Variants in HSPG2 observed in about 807,000 individuals in gnomAD.
HSPG2 encodes the protein basement membrane-specific heparan sulfate proteoglycan core protein.
Under a neutral mutation model 526.6 loss-of-function variants are expected in HSPG2, and 278 were observed. The ratio of observed to expected loss-of-function variants is 0.53; its 90% CI spans 0.48 to 0.58. The LOEUF is 0.58. Ranked by LOEUF, HSPG2 falls within the 20% of genes least tolerant of loss-of-function variation. HSPG2 has a pLI of 0.00. For missense variants in HSPG2, 5,354 were observed against 6,099.5 expected (o/e 0.88, Z 4.07); for synonymous variants, 2,465 against 2,555.4 (o/e 0.96, Z 1.07).
rs1639552135 is a variant in HSPG2, at chr1:21,858,912, T to G, written c.5293+654A>C. ...GTGCGTGTTTTACACCGGCTCCCTT[T>G]AAAAGCTTCCTCGGTTGTACTAAGC... On this transcript the variant is annotated intron_variant, in intron 42 of 96. Transcript: ENST00000374695. The surrounding 1 kb of genome is among the most constrained non-coding windows in gnomAD (Gnocchi z 4.2). Among the ~76,000 whole-genome samples, 1 of 151,742 alleles carries G rather than the reference T, an allele frequency of 6.6e-6. No homozygotes were observed. The highest frequency in any genetic ancestry group is 2.1e-4 in the South Asian group (1 of 4,794).
chr1:21,854,477 G>A, intron 49 of HSPG2, 134 bp from the exon 50 acceptor site: 11 of 1,449,098 alleles, frequency 7.6e-6, no homozygotes, highest in Non-Finnish European at 1.0e-5. Context: ...CTGGGAGGGA[G>A]GGAGATGAGG....
In HSPG2 at chr1:21,879,044, C is replaced by T. The variant is rs148592148; in HGVS notation, c.2421G>A (p.Thr807=). The change falls in exon 18 of 97, where the codon ACG becomes ACA. Residue 807 remains threonine (T), a synonymous_variant. Coordinates refer to ENST00000374695, the MANE Select transcript of HSPG2 (RefSeq NM_005529.7). The part of the protein sequence containing the change: ...AGFFGDAMKA[T]ATSCRPCPCP... ...AAGGGCAGGGCCGGCAGGAAGTGGCCGTGGCCTTCATGGCGTCCCCAAAGA... is the reference window on the plus strand; with the variant it reads ...AAGGGCAGGGCCGGCAGGAAGTGGCTGTGGCCTTCATGGCGTCCCCAAAGA... The T allele has an allele frequency of 9.3e-6, 15 of 1,614,080 alleles. No homozygotes were observed. The highest frequency in any genetic ancestry group is 8.3e-5 in the Admixed American group (5 of 60,012).
chr1:21,870,290 G>A, intron 33 of HSPG2: 1 of 986,030 alleles, frequency 1.0e-6, no homozygotes, highest in Non-Finnish European at 1.2e-6. Context: ...GCCCGCAACT[G>A]CTCCTCTGAG....
chr1:21,880,964 T>G (rs1641456269), intron 14 of HSPG2, 129 bp from the exon 15 acceptor site: 1 of 984,780 alleles, frequency 1.0e-6, no homozygotes, highest in African/African-American at 1.6e-5. Flanking sequence ...TGCCAGGCAC[T>G]GAGCTAGGCA....
Position 21,855,567 on chromosome 1 carries a change from C to G in HSPG2, c.5810G>C (p.Ser1937Thr), listed in dbSNP as rs568223257. Residue 1937 changes from serine to threonine, a missense_variant, in exon 46 of 97, where the codon AGC becomes ACC. Coordinates refer to ENST00000374695, the MANE Select transcript of HSPG2 (RefSeq NM_005529.7). The stretch of plus-strand genomic sequence containing the variant: ...CCTGGCCACCTGCTGCCCAGCGCTG[C>G]TGTGGGCTCGGCACAAGTACTGGGC... ...DQAQYLCRAH[S>T]SAGQQVARAV... is the part of the protein sequence containing the mutation. 65 of 1,600,116 alleles carry G rather than the reference C, an allele frequency of 4.1e-5. 2 individuals are homozygous for G. In the South Asian group the frequency reaches 6.8e-4, roughly 17 times the overall value.
chr1:21,861,701 C>G (rs1244148184), intron 39 of HSPG2, 56 bp downstream of exon 39: 3 of 1,502,492 alleles, frequency 2.0e-6, no homozygotes, highest in Non-Finnish European at 2.8e-6. Flanking sequence ...AAGGCTCTCA[C>G]TTGGGAGTCC....
In HSPG2 at chr1:21,842,249, C is replaced by T. The variant is rs764143693; in HGVS notation, c.9042G>A (p.Gly3014=). The change falls in exon 68 of 97, where the codon GGG becomes GGA. Residue 3014 remains glycine (G), a synonymous_variant. Coordinates refer to ENST00000374695, the MANE Select transcript of HSPG2 (RefSeq NM_005529.7). ...ATCTGCCATACTCACGGTAGGAAGA[C>T]CCCTCACTGGGCGGGACGGTGACTG... The part of the protein sequence containing the change: ...SFTVTVPPSE[G]SSYRLRSPVI... The T allele has an allele frequency of 1.2e-6, 2 of 1,613,616 alleles. No homozygotes were observed. Among genetic ancestry groups the T allele is most frequent in the Non-Finnish European group, 1.7e-6 (2 of 1,179,908 alleles).
intron 52 of HSPG2, 128 bp downstream of exon 52, chr1:21,852,572 G>A (rs1638986387): frequency 7.5e-7 from 1 of 1,328,914 alleles, no homozygotes; most frequent in Non-Finnish European, 1.1e-6. Context: ...GAGTCGGCCT[G>A]GGCAGGGCCC....
intron 1 of HSPG2, among the ~76,000 whole-genome samples, chr1:21,932,005 G>A (rs1032191176): frequency 6.6e-6 from 1 of 152,272 alleles, no homozygotes; most frequent in South Asian, 2.1e-4. Flanking sequence ...ACTGCCTGTA[G>A]AGTCCCAGGA....
chr1:21,839,274 C>T lies in HSPG2; in HGVS notation c.9889+97G>A, dbSNP rs2098039130. The T allele has an allele frequency of 6.7e-7, 1 of 1,499,806 alleles. No homozygotes were observed. The highest frequency in any genetic ancestry group is 9.2e-7 in the Non-Finnish European group (1 of 1,089,812). 92.9% of individuals were successfully genotyped at this position (1,499,806 alleles called of 1,614,324 possible). ...TCCAGGACCCTGCAGCGCCTGGAGACCTCTGGATGGGGTTCCTGGGGTTCT... is the reference window on the plus strand; with the variant it reads ...TCCAGGACCCTGCAGCGCCTGGAGATCTCTGGATGGGGTTCCTGGGGTTCT... On this transcript the variant is annotated intron_variant, in intron 73 of 96. Transcript: ENST00000374695. This position sits in a 1 kb window ranked among gnomAD's most constrained non-coding sequence, Gnocchi z 4.5.
intron 1 of HSPG2, among the ~76,000 whole-genome samples, chr1:21,928,049 A>C (rs1353391117): frequency 1.3e-5 from 2 of 152,212 alleles, no homozygotes; most frequent in African/African-American, 4.8e-5. Flanking sequence ...AGGTGCATCC[A>C]CCTGGTTACT....
At chr1:21,856,248 T>A (rs1639331518) in intron 44 of HSPG2, among the ~76,000 whole-genome samples, 1 of 152,164 alleles carries the variant, frequency 6.6e-6, no homozygotes, top group African/African-American at 2.4e-5. Flanking sequence ...AACGTGCTCC[T>A]GCCTCAGGGC....
chr1:21,835,069 CT>C, intron 76 of HSPG2, 124 bp from the exon 77 acceptor site: 1 of 1,063,550 alleles, frequency 9.4e-7, no homozygotes, highest in Non-Finnish European at 1.4e-6. Context: ...TCCTCATTCA[CT>C]TTTTCATGCA....
intron 52 of HSPG2, 136 bp from the exon 53 acceptor site, chr1:21,852,369 T>G: frequency 8.9e-7 from 1 of 1,121,308 alleles, no homozygotes; most frequent in Non-Finnish European, 1.3e-6. Flanking sequence ...GGCCTGGACT[T>G]GATGCCCTCA....
At chr1:21,914,661 T>G (rs533541928) in intron 1 of HSPG2, among the ~76,000 whole-genome samples, 1 of 152,274 alleles carries the variant, frequency 6.6e-6, no homozygotes, top group South Asian at 2.1e-4. Context: ...TGCAGCTCCT[T>G]GCAGGGCCTC....
chr1:21,914,593 G>A (rs1291136039), intron 1 of HSPG2, among the ~76,000 whole-genome samples: 1 of 152,166 alleles, frequency 6.6e-6, no homozygotes, highest in Non-Finnish European at 1.5e-5. Context: ...GAAAAGCGCA[G>A]GTGTCTGAGT....
intron 37 of HSPG2, among the ~76,000 whole-genome samples, chr1:21,863,068 A>AACAAAAAAAAAAC (rs1557740478): frequency 2.9e-4 from 19 of 66,264 alleles, no homozygotes; most frequent in African/African-American, 8.8e-4. Flanking sequence ...CTCAAAAAAA[A>AACAAAAAAAAAAC]AAAAAAAAAA....
chr1:21,824,792 G>A lies in HSPG2; in HGVS notation c.12590-13C>T, dbSNP rs2097964705. On this transcript the variant is annotated splice_polypyrimidine_tract_variant and intron_variant, in intron 91 of 96. Coordinates refer to ENST00000374695, the MANE Select transcript of HSPG2 (RefSeq NM_005529.7). The surrounding 1 kb of genome is among the most constrained non-coding windows in gnomAD (Gnocchi z 5.9). ...TGCCCAGGGGCATCTGTGGGAGAGA[G>A]GAGGGTGGTGCCATACCTGCTGCAT... The A allele has an allele frequency of 1.9e-6, 3 of 1,608,090 alleles. No homozygotes were observed. The highest frequency in any genetic ancestry group is 1.7e-6 in the Non-Finnish European group (2 of 1,177,122).
intron 50 of HSPG2, among the ~76,000 whole-genome samples, chr1:21,853,399 C>T (rs1639067669): frequency 6.6e-6 from 1 of 152,216 alleles, no homozygotes; most frequent in African/African-American, 2.4e-5. Context: ...TTCTACAGGA[C>T]GTCTTCCGTG....
Sources: gnomAD v4.1 joint callset for allele counts (sites outside exome capture counted in the v4.1 genomes callset) on GRCh38, gnomAD v4.1.1 for gene constraint, Gnocchi (gnomAD v3.1) non-coding constraint, MANE v1.5 for transcripts, NCBI Gene and HGNC (gene_info 2026-07-23, HGNC 2026-07-21) for gene names.